Variants in EIF3B observed in about 807,000 individuals in gnomAD.
EIF3B encodes eukaryotic translation initiation factor 3 subunit 9.
Under a neutral mutation model 104.6 loss-of-function variants are expected in EIF3B, and 10 were observed. The observed-to-expected ratio is 0.10, with a 90% CI of 0.06 to 0.16. The LOEUF (loss-of-function observed/expected upper bound fraction) is 0.16, where lower values mean the gene tolerates loss of function less well. Ranked by LOEUF, EIF3B falls within the 10% of genes least tolerant of loss-of-function variation. EIF3B has a pLI of 1.00. For missense variants in EIF3B, 1,014 were observed against 1,087.9 expected (o/e 0.93, Z 0.96); for synonymous variants, 542 against 417.2 (o/e 1.30, Z -3.65).
intron 12 of EIF3B, chr7:2,373,015 TAAGC>T (rs1190684888): frequency 1.0e-5 from 4 of 381,258 alleles, no homozygotes; most frequent in Middle Eastern, 1.4e-3. Flanking sequence ...CCCTCACGTT[TAAGC>T]GAGTATTTCC....
chr7:2,363,878 AT>A, intron 5 of EIF3B, 118 bp downstream of exon 5: 1 of 1,251,558 alleles, frequency 8.0e-7, no homozygotes, highest in Non-Finnish European at 1.1e-6. Context: ...TTTCTTTGAG[AT>A]TACTTTCTGA....
upstream of EIF3B, among the ~76,000 whole-genome samples, chr7:2,354,635 A>T (rs909636107): frequency 1.3e-5 from 2 of 152,208 alleles, no homozygotes; most frequent in East Asian, 1.9e-4. Flanking sequence ...CAATGCTCCC[A>T]TGAGTTTACT....
At chr7:2,372,476 A>C (rs554390563) in intron 11 of EIF3B, among the ~76,000 whole-genome samples, 197 bp from the exon 12 acceptor site, 2 of 152,288 alleles carry the variant, frequency 1.3e-5, no homozygotes, top group East Asian at 3.9e-4. Flanking sequence ...AGGTCACTCC[A>C]CACAAGTGGA....
In EIF3B at chr7:2,355,311, A is replaced by G. The variant is rs1010223478; in HGVS notation, c.390A>G (p.Gly130=). ...AGGCGGTGTCCGAGGACGCGGGAGG[A>G]AACGAGGGCAGAGCGGCCGAGGCCG... The part of the protein sequence containing the change: ...RAQAVSEDAG[G]NEGRAAEAEP... The change falls in exon 1 of 19, where the codon GGA becomes GGG. Residue 130 remains glycine (G), a synonymous_variant. Transcript: ENST00000360876. 5 of 1,539,986 alleles carry G rather than the reference A, an allele frequency of 3.2e-6. 1 individual carries two copies. In the Middle Eastern group the frequency reaches 5.2e-4, roughly 161 times the overall value.
In EIF3B at chr7:2,379,515, A is replaced by G. The variant is rs1431649160; in HGVS notation, c.*14+4A>G. The G allele has an allele frequency of 6.5e-7, 1 of 1,547,240 alleles. No homozygotes were observed. On this transcript the variant is annotated splice_donor_region_variant and intron_variant, in intron 18 of 18. Transcript: ENST00000360876. Reference sequence around the variant, plus strand: ...AGGAGTGACCTGGAGCACTGTGGTGAGCGTCTGCAGGGGGCGCGATGGGGG... The same window carrying G: ...AGGAGTGACCTGGAGCACTGTGGTGGGCGTCTGCAGGGGGCGCGATGGGGG...
chr7:2,369,568 C>G lies in EIF3B; in HGVS notation c.1500C>G (p.Thr500=). 6.2e-7 allele frequency: 1 copy of G among 1,614,088 alleles called. No individual in the cohort carries two copies. The highest frequency in any genetic ancestry group is 8.5e-7 in the Non-Finnish European group (1 of 1,180,026). Reference sequence around the variant, plus strand: ...GGGTAACCCTGATGCAGCTCCCTACCAGGCAAGAGATCCGAGTGAGGAACC... The same window carrying G: ...GGGTAACCCTGATGCAGCTCCCTACGAGGCAAGAGATCCGAGTGAGGAACC... ...PARVTLMQLP[T]RQEIRVRNLF... The change falls in exon 10 of 19, where the codon ACC becomes ACG. Residue 500 remains threonine, a synonymous_variant. Coordinates refer to ENST00000360876, the MANE Select transcript of EIF3B (RefSeq NM_001037283.2).
chr7:2,354,593 A>T (rs1481457618), upstream of EIF3B, among the ~76,000 whole-genome samples: 1 of 152,140 alleles, frequency 6.6e-6, no homozygotes, highest in Non-Finnish European at 1.5e-5. Context: ...GCCATGTTGG[A>T]CGGAACCATC....
intron 1 of EIF3B, among the ~76,000 whole-genome samples, chr7:2,357,818 A>G (rs1779534056): frequency 6.6e-6 from 1 of 152,082 alleles, no homozygotes; most frequent in African/African-American, 2.4e-5. Context: ...TTTCTCCTAG[A>G]CTAGACGCTT....
Position 2,375,381 on chromosome 7 carries a change from C to G in EIF3B, c.1890-8C>G. On this transcript the variant is annotated splice_polypyrimidine_tract_variant and splice_region_variant and intron_variant, in intron 13 of 18. Transcript: ENST00000360876. ...CATGAAGCCTGACGGTCCTGTCTGT[C>G]TTTGCAGTATGAACGGTGCCTTAGC... 6.2e-7 allele frequency: 1 copy of G among 1,614,074 alleles called. No individual in the cohort carries two copies. Among genetic ancestry groups the G allele is most frequent in the Non-Finnish European group, 8.5e-7 (1 of 1,179,912 alleles).
rs546597150 is a variant in EIF3B, at chr7:2,354,901, C to A, written c.-21C>A. ...GAAGCGCGGCGGCCGCGGAGCCCTG[C>A]GAGTAGGCAGCGTTGGGCCCATGCA... On this transcript the variant is annotated 5_prime_UTR_variant, in exon 1 of 19. Transcript: ENST00000360876. 2.9e-4 allele frequency: 338 copies of A among 1,177,528 alleles called. 1 individual carries two copies. In the African/African-American group the frequency reaches 5.2e-3, roughly 18 times the overall value. 72.9% of individuals were successfully genotyped at this position (1,177,528 alleles called of 1,614,324 possible).
chr7:2,367,099 T>C, intron 9 of EIF3B, 54 bp downstream of exon 9: 1 of 1,018,632 alleles, frequency 9.8e-7, no homozygotes, highest in Non-Finnish European at 1.3e-6. Flanking sequence ...CTTAACACAA[T>C]ACCAAAAAAA....
At chr7:2,378,846 G>A in intron 16 of EIF3B, 80 bp downstream of exon 16, 1 of 1,277,902 alleles carries the variant, frequency 7.8e-7, no homozygotes, top group Non-Finnish European at 1.1e-6. Flanking sequence ...GAGCTGCTGT[G>A]TATGTGCTCA....
chr7:2,355,977 A>T (rs1449218371), intron 1 of EIF3B, among the ~76,000 whole-genome samples: 1 of 151,964 alleles, frequency 6.6e-6, no homozygotes, highest in Non-Finnish European at 1.5e-5. Context: ...CTTGCGCTAA[A>T]TCTATAAAGA....
intron 9 of EIF3B, 79 bp downstream of exon 9, chr7:2,367,124 A>G: frequency 7.8e-6 from 10 of 1,275,570 alleles, no homozygotes; most frequent in East Asian, 2.3e-5. Flanking sequence ...AAAAAACACA[A>G]TACCATAGGC....
chr7:2,378,656 G>C, intron 15 of EIF3B, 33 bp from the exon 16 acceptor site: 1 of 1,592,214 alleles, frequency 6.3e-7, no homozygotes, highest in Non-Finnish European at 8.6e-7. Context: ...TGCTTTGAAT[G>C]TTAAATCCTG....
At chr7:2,358,942 G>A (rs894476990) in intron 1 of EIF3B, among the ~76,000 whole-genome samples, 1 of 152,170 alleles carries the variant, frequency 6.6e-6, no homozygotes, top group African/African-American at 2.4e-5. Flanking sequence ...AATCTCAGTG[G>A]GGGTGGCAGC....
At chr7:2,363,235 T>C (rs186647634) in intron 4 of EIF3B, 108 bp downstream of exon 4, 59 of 1,159,152 alleles carry the variant, frequency 5.1e-5, no homozygotes, top group Admixed American at 3.1e-4. Context: ...GGAGGATCGC[T>C]TAAGCCCAGG....
upstream of EIF3B, chr7:2,354,446 C>A (rs937744347): frequency 1.7e-4 from 26 of 152,210 alleles, no homozygotes; most frequent in Admixed American, 1.7e-3. Flanking sequence ...TCCACTCTTC[C>A]AGGGTATTAA....
At chr7:2,369,405 C>G (rs1316215791) in intron 9 of EIF3B, 67 bp from the exon 10 acceptor site, 3 of 1,533,458 alleles carry the variant, frequency 2.0e-6, no homozygotes, top group Non-Finnish European at 1.8e-6. Context: ...TTGTTCTATT[C>G]TCTTCTGCTT....
Sources: allele counts gnomAD v4.1 joint callset (sites outside exome capture counted in the v4.1 genomes callset), GRCh38; gene constraint gnomAD v4.1.1; transcripts MANE v1.5; gene names NCBI Gene and HGNC (gene_info 2026-07-23, HGNC 2026-07-21).